Variants in MAP3K8 observed in about 807,000 individuals in gnomAD.
The protein encoded by MAP3K8 is Ewing sarcoma transformant.
Under a neutral mutation model 45.8 loss-of-function variants are expected in MAP3K8, and 22 were observed. That is an observed-to-expected ratio of 0.48 (90% CI 0.34 to 0.69). The LOEUF (loss-of-function observed/expected upper bound fraction) is 0.69. Among genes scored for constraint, MAP3K8 ranks in the 30% least tolerant of loss-of-function variants. The pLI is 0.01. For missense variants in MAP3K8, 419 were observed against 585.0 expected (o/e 0.72, Z 2.93); for synonymous variants, 223 against 214.3 (o/e 1.04, Z -0.36).
At chr10:30,444,214 C>A (rs1044427845) in intron 3 of MAP3K8, among the ~76,000 whole-genome samples, 8 of 151,460 alleles carry the variant, frequency 5.3e-5, no homozygotes, top group Non-Finnish European at 8.8e-5. Context: ...TTTATACGGG[C>A]CCCTAGAAAG....
chr10:30,435,325 A>G (rs1835877132), intron 1 of MAP3K8, among the ~76,000 whole-genome samples: 1 of 152,010 alleles, frequency 6.6e-6, no homozygotes, highest in Non-Finnish European at 1.5e-5. Context: ...TCTGCGACGG[A>G]TTGAGGTTTG....
chr10:30,452,361 C>T (rs867311893), intron 6 of MAP3K8, among the ~76,000 whole-genome samples: 3 of 151,480 alleles, frequency 2.0e-5, no homozygotes, highest in South Asian at 2.1e-4. Context: ...CCCAGCTACT[C>T]GGGAGGCTGA....
chr10:30,447,478 G>A (rs1364703916), intron 3 of MAP3K8, among the ~76,000 whole-genome samples: 1 of 152,102 alleles, frequency 6.6e-6, no homozygotes, highest in Admixed American at 6.6e-5. Flanking sequence ...CAGCCTTTTG[G>A]TTGCCGTAGT....
At chr10:30,444,463 C>CAATAA (rs905852705) in intron 3 of MAP3K8, among the ~76,000 whole-genome samples, 3 of 151,820 alleles carry the variant, frequency 2.0e-5, no homozygotes, top group African/African-American at 7.3e-5. Context: ...AACTCCATCA[C>CAATAA]AATAAAATAA....
intron 1 of MAP3K8, among the ~76,000 whole-genome samples, chr10:30,436,539 A>T (rs1205777915): frequency 6.6e-6 from 1 of 152,108 alleles, no homozygotes; most frequent in Non-Finnish European, 1.5e-5. Context: ...CTTGGGTTTT[A>T]CATATAAATG....
At chr10:30,441,532 T>C (rs961488436) in intron 3 of MAP3K8, among the ~76,000 whole-genome samples, 1 of 152,160 alleles carries the variant, frequency 6.6e-6, no homozygotes, top group Non-Finnish European at 1.5e-5. Flanking sequence ...ATTTTTATTT[T>C]AAAATGATCA....
intron 3 of MAP3K8, among the ~76,000 whole-genome samples, chr10:30,440,800 A>C (rs939930141): frequency 7.9e-5 from 12 of 152,206 alleles, no homozygotes; most frequent in African/African-American, 2.9e-4. Flanking sequence ...AATGGGAATT[A>C]AATTTTTTTT....
Position 30,461,790 on chromosome 10 carries a change from T to C in MAP3K8, c.*954T>C, listed in dbSNP as rs8177038. The C allele has an allele frequency of 0.026, 4,676 of 182,334 alleles. 226 individuals are homozygous for C. The highest frequency in any genetic ancestry group is 0.1 in the African/African-American group (4,449 of 42,582). 11.3% of individuals were successfully genotyped at this position (182,334 alleles called of 1,614,324 possible). On this transcript the variant is annotated 3_prime_UTR_variant, in exon 9 of 9. Coordinates refer to ENST00000263056, the MANE Select transcript of MAP3K8 (RefSeq NM_005204.4). ...AATAAAACCCAATACTTTTGTCCAA[T>C]GTGGTTGGTCAAATCAACTGAATAA...
chr10:30,440,707 G>A (rs182122986), intron 3 of MAP3K8, among the ~76,000 whole-genome samples: 18 of 151,924 alleles, frequency 1.2e-4, no homozygotes, highest in Non-Finnish European at 2.6e-4. Context: ...TGGAGAACTC[G>A]GGTTCAAAGT....
chr10:30,457,632 G>A (rs1344448374), intron 6 of MAP3K8, among the ~76,000 whole-genome samples: 1 of 152,100 alleles, frequency 6.6e-6, no homozygotes, highest in Non-Finnish European at 1.5e-5. Context: ...CCAGAAAAAG[G>A]TGGTGTTTTG....
intron 4 of MAP3K8, among the ~76,000 whole-genome samples, chr10:30,448,524 C>A (rs971927073): frequency 3.3e-5 from 5 of 151,698 alleles, no homozygotes; most frequent in Non-Finnish European, 5.9e-5. Flanking sequence ...CCTCTACCTC[C>A]TGGGTTCAAA....
intron 6 of MAP3K8, among the ~76,000 whole-genome samples, chr10:30,457,371 A>G (rs1389102180): frequency 6.6e-6 from 1 of 152,210 alleles, no homozygotes; most frequent in Non-Finnish European, 1.5e-5. Context: ...TTATTTTTTA[A>G]GTTTTTCCCT....
In MAP3K8 at chr10:30,458,199, G is replaced by T. The variant is rs759141078; in HGVS notation, c.989G>T (p.Arg330Leu). ...MQTGTPPWVK[R>L]YPRSAYPSYL... ...ACGGGCACCCCACCCTGGGTGAAGC[G>T]CTACCCTCGCTCAGCCTATCCCTCC... Residue 330 changes from arginine (R) to leucine (L), a missense_variant, in exon 7 of 9, where the codon CGC becomes CTC. Transcript: ENST00000263056. 1.3e-6 allele frequency: 2 copies of T among 1,553,158 alleles called. No individual in the cohort carries two copies. Among genetic ancestry groups the T allele is most frequent in the Non-Finnish European group, 8.7e-7 (1 of 1,145,126 alleles).
At chr10:30,436,659 A>T (rs1835918720) in intron 1 of MAP3K8, among the ~76,000 whole-genome samples, 1 of 151,950 alleles carries the variant, frequency 6.6e-6, no homozygotes, top group Non-Finnish European at 1.5e-5. Context: ...AATTAAAAAA[A>T]TAAAAGAATA....
rs777358058 is a variant in MAP3K8 at position 30,436,567 on chromosome 10, G to A, written c.-254-609G>A. On this transcript the variant is annotated intron_variant, in intron 1 of 8. Coordinates refer to ENST00000263056, the MANE Select transcript of MAP3K8 (RefSeq NM_005204.4). ...TATAAATGCCTGAGACTTTTCTGCA[G>A]GGTTTAAAAACTAACATCTTGTCTT... 1.2e-3 allele frequency among the ~76,000 whole-genome samples: 180 copies of A among 152,022 alleles called. 2 individuals are homozygous for A. Among genetic ancestry groups the A allele is most frequent in the Non-Finnish European group, 8.1e-4 (55 of 68,008 alleles).
At chr10:30,440,079 A>G (rs545154540) in intron 3 of MAP3K8, among the ~76,000 whole-genome samples, 11 of 152,332 alleles carry the variant, frequency 7.2e-5, no homozygotes, top group Middle Eastern at 3.4e-3. Context: ...ATGAATGGCA[A>G]GTGATATATT....
At chr10:30,434,572 G>T (rs1416136058) in intron 1 of MAP3K8, 194 bp downstream of exon 1, 10 of 985,696 alleles carry the variant, frequency 1.0e-5, no homozygotes, top group South Asian at 4.7e-5. Flanking sequence ...AGCACCTTGC[G>T]CAAGGGTCTC....
chr10:30,458,279 G>T, intron 7 of MAP3K8, 43 bp downstream of exon 7: 1 of 1,288,220 alleles, frequency 7.8e-7, no homozygotes, highest in Non-Finnish European at 1.0e-6. Flanking sequence ...GGGGGGGGGC[G>T]TTGAGTTATG....
intron 6 of MAP3K8, among the ~76,000 whole-genome samples, chr10:30,455,786 G>A (rs894380109): frequency 2.0e-5 from 3 of 152,196 alleles, no homozygotes; most frequent in Admixed American, 6.5e-5. Flanking sequence ...GCCCTGCCCC[G>A]AGGGTGCAGA....
Sources: allele counts gnomAD v4.1 joint callset (sites outside exome capture counted in the v4.1 genomes callset), GRCh38; gene constraint gnomAD v4.1.1; transcripts MANE v1.5; gene names NCBI Gene and HGNC (gene_info 2026-07-23, HGNC 2026-07-21).